Variants in TCF12 observed in about 807,000 individuals in gnomAD.
The protein encoded by TCF12 is transcription factor 12.
TCF12 carries 45 observed loss-of-function variants against 86.0 expected under a neutral mutation model. The ratio of observed to expected loss-of-function variants is 0.52; its 90% CI spans 0.41 to 0.67. The LOEUF is 0.67. Ranked by LOEUF, TCF12 falls within the 30% of genes least tolerant of loss-of-function variation. The pLI, the probability that TCF12 is intolerant of heterozygous loss-of-function variation, is 0.00. For synonymous variants in TCF12, 330 were observed against 299.6 expected (o/e 1.10, Z -1.05); for missense variants, 881 against 859.9 (o/e 1.02, Z -0.31).
intron 6 of TCF12, among the ~76,000 whole-genome samples, chr15:57,172,194 A>T (rs1727028135): frequency 6.6e-6 from 1 of 152,216 alleles, no homozygotes; most frequent in South Asian, 2.1e-4. Flanking sequence ...AAGACATAAC[A>T]ATGACAGATG....
At chr15:56,988,638 CTG>C (rs1185392501) in intron 3 of TCF12, among the ~76,000 whole-genome samples, 3 of 152,084 alleles carry the variant, frequency 2.0e-5, no homozygotes, top group African/African-American at 4.8e-5. Flanking sequence ...AGTTTTTGCA[CTG>C]TGTTTTGAAA....
intron 4 of TCF12, 25 bp from the exon 5 acceptor site, chr15:57,091,764 T>C: frequency 1.9e-6 from 3 of 1,567,804 alleles, no homozygotes; most frequent in Non-Finnish European, 2.6e-6. Context: ...ATCTCTTTAA[T>C]ACTCTGATCT....
chr15:57,070,457 G>A (rs2069276331), intron 4 of TCF12, among the ~76,000 whole-genome samples: 1 of 152,062 alleles, frequency 6.6e-6, no homozygotes, highest in South Asian at 2.1e-4. Context: ...CATAGATTGG[G>A]GCCTTGGGAT....
At chr15:57,205,129 A>T (rs1314508460) in intron 8 of TCF12, among the ~76,000 whole-genome samples, 1 of 152,066 alleles carries the variant, frequency 6.6e-6, no homozygotes, top group Non-Finnish European at 1.5e-5. Flanking sequence ...CCTAGCCAAC[A>T]TAATGGAACC....
chr15:56,967,760 T>G (rs2062074717), intron 3 of TCF12, among the ~76,000 whole-genome samples: 1 of 152,152 alleles, frequency 6.6e-6, no homozygotes, highest in Non-Finnish European at 1.5e-5. Flanking sequence ...AAATTGAAGA[T>G]CAAGTATCAA....
chr15:57,068,411 A>G (rs1386283144), intron 4 of TCF12, among the ~76,000 whole-genome samples: 2 of 152,232 alleles, frequency 1.3e-5, no homozygotes, highest in African/African-American at 4.8e-5. Context: ...AGTGTAATAA[A>G]TGAGAATTAT....
intron 8 of TCF12, among the ~76,000 whole-genome samples, chr15:57,211,270 T>C (rs1287356907): frequency 6.6e-6 from 1 of 152,172 alleles, no homozygotes; most frequent in Non-Finnish European, 1.5e-5. Context: ...AAGATAAAGT[T>C]GATAGGGCAG....
intron 5 of TCF12, among the ~76,000 whole-genome samples, chr15:57,100,455 G>A (rs2049658366): frequency 6.8e-6 from 1 of 146,988 alleles, no homozygotes; most frequent in Admixed American, 6.8e-5. Context: ...TAGAGATGAG[G>A]TCTTGCTGTG....
intron 5 of TCF12, among the ~76,000 whole-genome samples, chr15:57,115,416 C>T (rs1321143996): frequency 1.3e-5 from 2 of 152,110 alleles, no homozygotes; most frequent in Admixed American, 1.3e-4. Context: ...TTGGCAGTGA[C>T]ATTAGTGGCA....
In TCF12 at chr15:57,212,973, A is replaced by G. The variant is rs556648103; in HGVS notation, c.579+15148A>G. On this transcript the variant is annotated intron_variant, in intron 8 of 20. Coordinates refer to ENST00000333725, the MANE Select transcript of TCF12 (RefSeq NM_207037.2). ...AATACTAATGAATGATAGGGAGAATACTTCTGCCCTACTGCATACACATGT... is the reference window on the plus strand; with the variant it reads ...AATACTAATGAATGATAGGGAGAATGCTTCTGCCCTACTGCATACACATGT... 2.3e-4 allele frequency among the ~76,000 whole-genome samples: 35 copies of G among 152,322 alleles called. 1 individual carries two copies. The South Asian group carries it at 5.8e-3, about 25-fold the overall frequency.
At chr15:57,039,437 G>A (rs1221613250) in intron 3 of TCF12, among the ~76,000 whole-genome samples, 3 of 152,064 alleles carry the variant, frequency 2.0e-5, no homozygotes, top group African/African-American at 4.8e-5. Context: ...ATTTAACTTG[G>A]TTTCCCATTC....
At chr15:56,994,816 G>T (rs1284620183) in intron 3 of TCF12, among the ~76,000 whole-genome samples, 1 of 152,090 alleles carries the variant, frequency 6.6e-6, no homozygotes, top group African/African-American at 2.4e-5. Context: ...ATTGCTAAAA[G>T]ATGTTCTTAA....
At chr15:57,273,369 T>C in intron 19 of TCF12, 107 bp downstream of exon 19, 1 of 1,096,398 alleles carries the variant, frequency 9.1e-7, no homozygotes, top group Admixed American at 2.3e-5. Context: ...TTTCTCCCAG[T>C]ACTTCTTCTA....
At chr15:57,219,721 T>C in intron 8 of TCF12, 1 of 105,414 alleles carries the variant, frequency 9.5e-6, no homozygotes, top group South Asian at 4.6e-4. Context: ...TGTAGATTTC[T>C]TTTTTTTTTT....
At chr15:57,054,068 G>T (rs956770077) in intron 3 of TCF12, among the ~76,000 whole-genome samples, 2 of 152,104 alleles carry the variant, frequency 1.3e-5, no homozygotes, top group Non-Finnish European at 2.9e-5. Context: ...TGGCAGTTTT[G>T]TACTATGAGG....
rs1231821910 is a variant in TCF12 at position 57,195,814 on chromosome 15, G to A, written c.527-1959G>A. Among the ~76,000 whole-genome samples, 3 of 152,226 alleles carry A rather than the reference G, an allele frequency of 2.0e-5. No homozygotes were observed. The East Asian group carries it at 5.8e-4, about 29-fold the overall frequency. The stretch of plus-strand genomic sequence containing the variant: ...GACCAGGAGTTCAAAACCAGCCTGG[G>A]CAACATAGTGAAACACCTCTCTACA... On this transcript the variant is annotated intron_variant, in intron 7 of 20. Coordinates refer to ENST00000333725, the MANE Select transcript of TCF12 (RefSeq NM_207037.2).
intron 5 of TCF12, among the ~76,000 whole-genome samples, chr15:57,105,887 T>C (rs1250961476): frequency 2.6e-5 from 4 of 152,104 alleles, no homozygotes; most frequent in African/African-American, 9.7e-5. Flanking sequence ...TAAATATGAG[T>C]TGTTATGTTC....
chr15:57,159,473 G>C (rs1160209188), intron 5 of TCF12, among the ~76,000 whole-genome samples: 1 of 152,198 alleles, frequency 6.6e-6, no homozygotes, highest in Non-Finnish European at 1.5e-5. Flanking sequence ...GACACTCAAG[G>C]GGGAGGAGGA....
chr15:57,080,523 G>A (rs2070538034), intron 4 of TCF12, among the ~76,000 whole-genome samples: 1 of 152,166 alleles, frequency 6.6e-6, no homozygotes, highest in Non-Finnish European at 1.5e-5. Context: ...TTTGCATTCA[G>A]TTGCTATTTC....
Sources: gnomAD v4.1 joint callset for allele counts (sites outside exome capture counted in the v4.1 genomes callset) on GRCh38, gnomAD v4.1.1 for gene constraint, MANE v1.5 for transcripts, NCBI Gene and HGNC (gene_info 2026-07-23, HGNC 2026-07-21) for gene names.